The following CMSS1 variants were observed in gnomAD, a reference collection of about 807,000 sequenced individuals.
CMSS1 encodes the protein protein CMSS1.
In CMSS1, 33 loss-of-function variants were observed where a neutral mutation model predicts 43.5. The ratio of observed to expected loss-of-function variants is 0.76; its 90% confidence interval spans 0.57 to 1.01. The LOEUF (loss-of-function observed/expected upper bound fraction) is 1.01, where lower values mean the gene tolerates loss of function less well. CMSS1 is among the 50% of genes least tolerant of loss of function. The probability of loss-of-function intolerance (pLI) is 0.00; values close to 1 mark genes in which losing one functional copy is unlikely to be tolerated. For synonymous variants in CMSS1, 115 were observed against 117.2 expected, an observed-to-expected ratio of 0.98 and a Z score of 0.12; for missense variants, 313 against 326.4, an observed-to-expected ratio of 0.96 and a Z score of 0.32.
chr3:100,100,234 A>C (rs995668949), intron 1 of CMSS1, among the ~76,000 whole-genome samples: 2 of 152,170 alleles, frequency 1.3e-5, no homozygotes, highest in African/African-American at 4.8e-5. Flanking sequence ...AGGGTTGTAC[A>C]TCCTGAGGAA....
At chr3:100,150,755 AATG>A (rs1255234085) in intron 2 of CMSS1, among the ~76,000 whole-genome samples, 2 of 152,164 alleles carry the variant, frequency 1.3e-5, no homozygotes, top group Non-Finnish European at 2.9e-5. Flanking sequence ...TTCCAAAATA[AATG>A]ATGAATTCCC....
chr3:99,932,552 G>A (rs1190854096), intron 1 of CMSS1, among the ~76,000 whole-genome samples: 4 of 151,814 alleles, frequency 2.6e-5, no homozygotes, highest in East Asian at 3.9e-4. Flanking sequence ...CTTGTGTTAG[G>A]TGATAAGAAT....
intron 2 of CMSS1, among the ~76,000 whole-genome samples, chr3:100,159,138 C>A (rs1559775804): frequency 6.6e-6 from 1 of 152,222 alleles, no homozygotes; most frequent in Non-Finnish European, 1.5e-5. Context: ...TGGCATGTAT[C>A]TACATCCACA....
At chr3:99,946,443 A>G (rs1708010706) in intron 1 of CMSS1, among the ~76,000 whole-genome samples, 1 of 152,186 alleles carries the variant, frequency 6.6e-6, no homozygotes, top group African/African-American at 2.4e-5. Flanking sequence ...TAAACAAAAG[A>G]CTGCTTTCTT....
intron 8 of CMSS1, among the ~76,000 whole-genome samples, chr3:100,176,003 T>C (rs990053726): frequency 6.6e-6 from 1 of 152,182 alleles, no homozygotes; most frequent in Non-Finnish European, 1.5e-5. Context: ...GGATTTAACT[T>C]AGCAAATCCC....
Position 100,141,399 on chromosome 3 carries a change from G to A in CMSS1, c.65-5574G>A, listed in dbSNP as rs1300676359. ...TCCCAGCCATCCAGCACTACTCCCTGGGAGATACGTGGCAGGAGAATTCTG... is the reference window on the plus strand; with the variant it reads ...TCCCAGCCATCCAGCACTACTCCCTAGGAGATACGTGGCAGGAGAATTCTG... On this transcript the variant is annotated intron_variant, in intron 1 of 9. Transcript: ENST00000421999. The A allele has an allele frequency of 2.5e-5, 8 of 318,952 alleles. No individual in the cohort carries two copies. In the East Asian group the frequency reaches 6.6e-4, roughly 26 times the overall value. 19.8% of individuals were successfully genotyped at this position (318,952 alleles called of 1,614,324 possible).
intron 1 of CMSS1, among the ~76,000 whole-genome samples, chr3:99,917,226 T>C (rs1003848116): frequency 6.6e-6 from 1 of 152,200 alleles, no homozygotes; most frequent in Non-Finnish European, 1.5e-5. Context: ...ATCTCCTTTT[T>C]GCCTGATCTT....
chr3:99,892,827 T>G (rs1304120038), intron 1 of CMSS1, among the ~76,000 whole-genome samples: 1 of 152,372 alleles, frequency 6.6e-6, no homozygotes, highest in East Asian at 1.9e-4. Context: ...ATTTTATCCT[T>G]GATCTAAACA....
intron 1 of CMSS1, among the ~76,000 whole-genome samples, chr3:99,885,855 A>G (rs552011946): frequency 1.2e-4 from 19 of 152,360 alleles, no homozygotes; most frequent in African/African-American, 4.3e-4. Context: ...ATGAAGAACA[A>G]TACAGCTCAA....
intron 1 of CMSS1, among the ~76,000 whole-genome samples, chr3:99,904,569 C>G (rs935517079): frequency 6.6e-6 from 1 of 152,172 alleles, no homozygotes; most frequent in South Asian, 2.1e-4. Context: ...TTATTTCAAA[C>G]ATAGTAAGCC....
chr3:100,130,296 A>C (rs968748579), intron 1 of CMSS1, among the ~76,000 whole-genome samples: 1 of 152,164 alleles, frequency 6.6e-6, no homozygotes, highest in African/African-American at 2.4e-5. Context: ...GGGAAAGAAA[A>C]ATTAATTCTA....
intron 2 of CMSS1, among the ~76,000 whole-genome samples, chr3:100,149,326 C>G (rs915465161): frequency 1.3e-5 from 2 of 152,166 alleles, no homozygotes; most frequent in African/African-American, 2.4e-5. Flanking sequence ...ATCTGCTTGG[C>G]TGTGAGCCAG....
intron 1 of CMSS1, among the ~76,000 whole-genome samples, chr3:99,891,862 A>G (rs1166462833): frequency 6.6e-6 from 1 of 152,194 alleles, no homozygotes; most frequent in African/African-American, 2.4e-5. Flanking sequence ...ACTATTAACA[A>G]AACTACACTT....
intron 1 of CMSS1, among the ~76,000 whole-genome samples, chr3:100,064,916 A>G (rs1174213718): frequency 6.6e-6 from 1 of 152,174 alleles, no homozygotes. Flanking sequence ...ACTAACAAAC[A>G]TGTATTGCTG....
At chr3:100,155,455 C>T (rs2066963055) in intron 2 of CMSS1, among the ~76,000 whole-genome samples, 1 of 152,166 alleles carries the variant, frequency 6.6e-6, no homozygotes, top group African/African-American at 2.4e-5. Context: ...TCCATATGCT[C>T]AAATAGATTA....
intron 1 of CMSS1, among the ~76,000 whole-genome samples, chr3:99,855,724 AGCAGG>A (rs1943929672): frequency 6.6e-6 from 1 of 152,234 alleles, no homozygotes; most frequent in Admixed American, 6.5e-5. Context: ...TATCTCTCAG[AGCAGG>A]GGTTTTTAAA....
At chr3:99,862,966 A>T (rs1944333855) in intron 1 of CMSS1, among the ~76,000 whole-genome samples, 2 of 152,346 alleles carry the variant, frequency 1.3e-5, no homozygotes, top group South Asian at 4.1e-4. Flanking sequence ...TGCTCTGCTC[A>T]TCTTACTCCT....
At chr3:100,086,238 T>C (rs1037562831) in intron 1 of CMSS1, among the ~76,000 whole-genome samples, 3 of 152,206 alleles carry the variant, frequency 2.0e-5, no homozygotes, top group Admixed American at 1.3e-4. Context: ...ATAGTTAACC[T>C]ATTGAGCTGA....
intron 1 of CMSS1, among the ~76,000 whole-genome samples, chr3:100,107,501 G>T (rs1234789381): frequency 6.6e-6 from 1 of 152,116 alleles, no homozygotes; most frequent in East Asian, 1.9e-4. Flanking sequence ...CATTTGGCAG[G>T]TATTTAATGC....
Sources: allele counts gnomAD v4.1 joint callset (sites outside exome capture counted in the v4.1 genomes callset), GRCh38; gene constraint gnomAD v4.1.1; transcripts MANE v1.5; gene names NCBI Gene and HGNC (gene_info 2026-07-23, HGNC 2026-07-21).